Variants in ABTB3 observed in about 807,000 individuals in gnomAD.
ABTB3 encodes the protein ankyrin repeat- and BTB/POZ domain-containing protein 3.
At chr12:107,574,898 T>C in the ABTB3 span, among the ~76,000 whole-genome samples, 1 of 152,158 alleles carries the variant, frequency 6.6e-6, no homozygotes, top group South Asian at 2.1e-4. Flanking sequence ...GAAACCACCC[T>C]CGTGGGCAGT....
At chr12:107,498,740 G>C in the ABTB3 span, among the ~76,000 whole-genome samples, 53,232 of 151,928 alleles carry the variant, frequency 0.35, 11,396 homozygotes, top group African/African-American at 0.61. Flanking sequence ...GATACTCTCT[G>C]TATCCCAATG....
At chr12:107,540,588 C>G in the ABTB3 span, among the ~76,000 whole-genome samples, 1 of 152,224 alleles carries the variant, frequency 6.6e-6, no homozygotes, top group Admixed American at 6.5e-5. Flanking sequence ...TGGCCAGGCA[C>G]TGAGCTCAGT....
chr12:107,611,014 T>C, the ABTB3 span, among the ~76,000 whole-genome samples: 1,459 of 152,154 alleles, frequency 9.6e-3, 23 homozygotes, highest in Non-Finnish European at 0.01. Context: ...ATGCAGTGAG[T>C]TCCAGAGAGG....
At chr12:107,434,755 T>C in the ABTB3 span, among the ~76,000 whole-genome samples, 2 of 152,108 alleles carry the variant, frequency 1.3e-5, no homozygotes, top group African/African-American at 4.8e-5. Flanking sequence ...TCCCAGCTAC[T>C]TGAGAGGCTG....
chr12:107,543,983 A>C, the ABTB3 span: 2 of 1,613,876 alleles, frequency 1.2e-6, no homozygotes, highest in Non-Finnish European at 8.5e-7. Context: ...CTCAATGCCA[A>C]GCACCACGGC....
chr12:107,341,165 C>T, the ABTB3 span, among the ~76,000 whole-genome samples: 16 of 152,202 alleles, frequency 1.1e-4, no homozygotes, highest in Non-Finnish European at 1.5e-4. Context: ...TGGGCCACAC[C>T]AAGCTGCAGG....
chr12:107,444,778 G>A, the ABTB3 span, among the ~76,000 whole-genome samples: 1 of 152,214 alleles, frequency 6.6e-6, no homozygotes, highest in Admixed American at 6.5e-5. Context: ...GATTTTATCG[G>A]CAGTGTGGAA....
chr12:107,658,467 A>G, the ABTB3 span: 1 of 152,632 alleles, frequency 6.6e-6, no homozygotes, highest in Non-Finnish European at 1.5e-5. Context: ...AAAGAGGTGC[A>G]CTGCCAATAA....
At chr12:107,388,392 C>T in the ABTB3 span, among the ~76,000 whole-genome samples, 1 of 150,230 alleles carries the variant, frequency 6.7e-6, no homozygotes, top group East Asian at 2.0e-4. Flanking sequence ...TATTATCTGC[C>T]TCCTTCTTCT....
chr12:107,500,104 C>T, the ABTB3 span, among the ~76,000 whole-genome samples: 7 of 152,278 alleles, frequency 4.6e-5, no homozygotes, highest in South Asian at 2.1e-4. Context: ...TGACATGCGG[C>T]GATTACAATT....
the ABTB3 span, among the ~76,000 whole-genome samples, chr12:107,359,770 C>T: frequency 6.6e-6 from 1 of 152,116 alleles, no homozygotes; most frequent in Non-Finnish European, 1.5e-5. Flanking sequence ...AGCCAAGCCT[C>T]AGGGACTTTA....
At chr12:107,583,529 C>G in the ABTB3 span, among the ~76,000 whole-genome samples, 29 of 152,282 alleles carry the variant, frequency 1.9e-4, no homozygotes, top group African/African-American at 7.0e-4. Context: ...TTTTTCTGCT[C>G]TCTCACCCTA....
chr12:107,398,585 C>A, the ABTB3 span, among the ~76,000 whole-genome samples: 7 of 152,148 alleles, frequency 4.6e-5, no homozygotes, highest in Admixed American at 4.6e-4. Context: ...CTTTATTTCC[C>A]ATTGTGGCTC....
the ABTB3 span, among the ~76,000 whole-genome samples, chr12:107,344,830 A>T: frequency 2.0e-5 from 3 of 152,238 alleles, no homozygotes; most frequent in African/African-American, 7.2e-5. Context: ...ACTTAATTTA[A>T]TATTTCTGTA....
At chr12:107,590,246 A>G in the ABTB3 span, among the ~76,000 whole-genome samples, 3 of 152,360 alleles carry the variant, frequency 2.0e-5, no homozygotes, top group East Asian at 1.9e-4. Flanking sequence ...AAAGGCTTCT[A>G]TATAAACACA....
chr12:107,570,399 G>A, the ABTB3 span, among the ~76,000 whole-genome samples: 2 of 152,064 alleles, frequency 1.3e-5, no homozygotes, highest in Non-Finnish European at 2.9e-5. Context: ...ATTTTTAGTG[G>A]AGATGGTGTT....
the ABTB3 span, among the ~76,000 whole-genome samples, chr12:107,430,615 ATGTAT>A: frequency 1.1e-4 from 17 of 152,210 alleles, no homozygotes; most frequent in South Asian, 3.3e-3. Context: ...CCCTTTCTCA[ATGTAT>A]TGGCTGTACC....
chr12:107,369,135 T>C, the ABTB3 span, among the ~76,000 whole-genome samples: 39,208 of 152,166 alleles, frequency 0.26, 6,151 homozygotes, highest in South Asian at 0.41. Context: ...TGCTTTTTGG[T>C]TCGTGCCTTG....
chr12:107,600,470 T>C, the ABTB3 span, among the ~76,000 whole-genome samples: 1 of 152,226 alleles, frequency 6.6e-6, no homozygotes, highest in Non-Finnish European at 1.5e-5. Context: ...GTTATTGTTA[T>C]TATCTTTGCT....
Sources: allele counts gnomAD v4.1 joint callset (sites outside exome capture counted in the v4.1 genomes callset), GRCh38; gene constraint gnomAD v4.1.1; transcripts MANE v1.5; gene names NCBI Gene and HGNC (gene_info 2026-07-23, HGNC 2026-07-21).